ENOX1: variants seen among roughly 807,000 people sequenced by gnomAD.
The protein encoded by ENOX1 is candidate growth-related and time keeping constitutive hydroquinone (NADH) oxidase.
In ENOX1, 42 loss-of-function variants were observed where a neutral mutation model predicts 82.5. That is an observed-to-expected ratio of 0.51 (90% confidence interval 0.40 to 0.66). The LOEUF is 0.66. ENOX1 is among the 30% of genes least tolerant of loss of function. ENOX1 has a pLI of 0.00. For missense variants in ENOX1, 608 were observed against 811.6 expected, an observed-to-expected ratio of 0.75 and a Z score of 3.05; for synonymous variants, 271 against 282.2, an observed-to-expected ratio of 0.96 and a Z score of 0.40.
intron 4 of ENOX1, 148 bp from the exon 5 acceptor site, chr13:43,412,201 T>C: frequency 1.1e-6 from 1 of 920,832 alleles, no homozygotes; most frequent in South Asian, 1.9e-5. Context: ...CAGCAATGTT[T>C]TCTCTAGACA....
At chr13:43,475,533 G>GA (rs1173992693) in intron 3 of ENOX1, among the ~76,000 whole-genome samples, 1 of 152,052 alleles carries the variant, frequency 6.6e-6, no homozygotes, top group Non-Finnish European at 1.5e-5. Context: ...CATTGCTAAG[G>GA]AAAATCAAAG....
At chr13:43,759,681 T>C (rs918289065) in intron 1 of ENOX1, among the ~76,000 whole-genome samples, 1 of 152,234 alleles carries the variant, frequency 6.6e-6, no homozygotes, top group Non-Finnish European at 1.5e-5. Context: ...AAGAGTTTAA[T>C]GATTTTCAAA....
chr13:43,762,656 C>A (rs900142961), intron 1 of ENOX1, among the ~76,000 whole-genome samples: 4 of 152,132 alleles, frequency 2.6e-5, no homozygotes, highest in African/African-American at 9.7e-5. Flanking sequence ...GACAAGCACT[C>A]ACTCGGAATC....
chr13:43,619,629 G>A (rs1415384964), intron 2 of ENOX1, among the ~76,000 whole-genome samples: 1 of 152,002 alleles, frequency 6.6e-6, no homozygotes, highest in Non-Finnish European at 1.5e-5. Context: ...TTATCTTTTC[G>A]ATATGTTGTT....
chr13:43,368,324 G>C (rs1489576719), intron 5 of ENOX1, among the ~76,000 whole-genome samples: 3 of 152,188 alleles, frequency 2.0e-5, no homozygotes, highest in Admixed American at 6.5e-5. Context: ...TCTAAGTATT[G>C]TTGACTTGGG....
At chr13:43,381,110 C>T (rs187233555) in intron 5 of ENOX1, among the ~76,000 whole-genome samples, 121 of 151,890 alleles carry the variant, frequency 8.0e-4, no homozygotes, top group Non-Finnish European at 1.4e-3. Context: ...ACACATTCTT[C>T]TCAAGATTAC....
chr13:43,558,244 C>T (rs2079527607), intron 2 of ENOX1, among the ~76,000 whole-genome samples: 1 of 152,184 alleles, frequency 6.6e-6, no homozygotes, highest in Non-Finnish European at 1.5e-5. Flanking sequence ...CCCCAATAAG[C>T]ACCTTTCTGA....
Position 43,358,901 on chromosome 13 carries a change from T to C in ENOX1, c.589+950A>G, listed in dbSNP as rs1407792995. On this transcript the variant is annotated intron_variant, in intron 7 of 16. Coordinates refer to ENST00000690772, the MANE Select transcript of ENOX1 (RefSeq NM_001347969.2). ...TATTTTCTACTTTGTAAGGTTTTACTGAAATAAGGGGTTTTAAAGTTCTCC... is the reference window on the plus strand; with the variant it reads ...TATTTTCTACTTTGTAAGGTTTTACCGAAATAAGGGGTTTTAAAGTTCTCC... Among the ~76,000 whole-genome samples the C allele has an allele frequency of 2.6e-5, 4 of 152,360 alleles. No individual in the cohort carries two copies. In the East Asian group the frequency reaches 7.7e-4, roughly 29 times the overall value.
At chr13:43,682,688 G>T (rs73186196) in intron 1 of ENOX1, among the ~76,000 whole-genome samples, 4,220 of 152,068 alleles carry the variant, frequency 0.028, 220 homozygotes, top group East Asian at 0.24. Flanking sequence ...TCTAAGGAAG[G>T]GGAAAAAAAA....
intron 2 of ENOX1, among the ~76,000 whole-genome samples, chr13:43,556,545 T>C (rs1260070922): frequency 6.6e-6 from 1 of 152,174 alleles, no homozygotes; most frequent in African/African-American, 2.4e-5. Context: ...GGAAATTTAT[T>C]TAGATAGGTC....
chr13:43,715,566 C>G (rs2088060248), intron 1 of ENOX1, among the ~76,000 whole-genome samples: 1 of 152,110 alleles, frequency 6.6e-6, no homozygotes, highest in Non-Finnish European at 1.5e-5. Flanking sequence ...GAGTGTTTTC[C>G]AACTTGGTTC....
chr13:43,289,622 C>A (rs1181042839), intron 12 of ENOX1, among the ~76,000 whole-genome samples: 1 of 152,130 alleles, frequency 6.6e-6, no homozygotes, highest in African/African-American at 2.4e-5. Flanking sequence ...CTATAAAAAT[C>A]CTAGAAGCCA....
chr13:43,747,112 C>T (rs937508612), intron 1 of ENOX1, among the ~76,000 whole-genome samples: 11 of 152,092 alleles, frequency 7.2e-5, no homozygotes, highest in African/African-American at 2.7e-4. Flanking sequence ...ATTGGCTCTA[C>T]CATTTACAGT....
In ENOX1 at chr13:43,403,097, T is replaced by C. The variant is rs9533474; in HGVS notation, c.208+8819A>G. 1.6e-3 allele frequency among the ~76,000 whole-genome samples: 243 copies of C among 152,230 alleles called. 1 individual carries two copies. Among genetic ancestry groups the C allele is most frequent in the Middle Eastern group, 3.4e-3 (1 of 294 alleles). ...CAATATGCATGCAATTATTTAAAAA[T>C]ATTTCTCTAGTTTTAGTCTAGTGAG... On this transcript the variant is annotated intron_variant, in intron 5 of 16. Transcript: ENST00000690772.
At chr13:43,609,371 G>A (rs541351045) in intron 2 of ENOX1, among the ~76,000 whole-genome samples, 2 of 152,210 alleles carry the variant, frequency 1.3e-5, no homozygotes, top group Admixed American at 1.3e-4. Flanking sequence ...CCACCCAGTG[G>A]TTATAATTTA....
At chr13:43,224,904 C>T (rs151222598) in intron 15 of ENOX1, among the ~76,000 whole-genome samples, 227 of 152,342 alleles carry the variant, frequency 1.5e-3, no homozygotes, top group Non-Finnish European at 2.8e-3. Flanking sequence ...TCTCCCTGCT[C>T]CTGGATCCAA....
chr13:43,251,533 G>A (rs1353854942), intron 14 of ENOX1, among the ~76,000 whole-genome samples: 1 of 152,134 alleles, frequency 6.6e-6, no homozygotes, highest in Admixed American at 6.5e-5. Flanking sequence ...GTCAGAAGTG[G>A]GTTGTTCAAG....
chr13:43,626,645 C>G (rs2082976545), intron 2 of ENOX1, among the ~76,000 whole-genome samples: 1 of 151,768 alleles, frequency 6.6e-6, no homozygotes. Context: ...TTATTTGGAT[C>G]AGAGAACATA....
intron 9 of ENOX1, among the ~76,000 whole-genome samples, chr13:43,333,406 T>C (rs1425340959): frequency 1.3e-5 from 2 of 152,218 alleles, no homozygotes; most frequent in South Asian, 2.1e-4. Context: ...ATATGTATGT[T>C]TGCAGTTTCC....
Sources: allele counts gnomAD v4.1 joint callset (sites outside exome capture counted in the v4.1 genomes callset), GRCh38; gene constraint gnomAD v4.1.1; transcripts MANE v1.5; gene names NCBI Gene and HGNC (gene_info 2026-07-23, HGNC 2026-07-21).